CFAP61: variants seen among roughly 807,000 people sequenced by gnomAD.
CFAP61 encodes the protein cilia and flagella associated protein 61.
Under a neutral mutation model 135.6 loss-of-function variants are expected in CFAP61, and 107 were observed. The ratio of observed to expected loss-of-function variants is 0.79; its 90% CI spans 0.67 to 0.93. CFAP61 has a LOEUF of 0.93. Ranked by LOEUF, CFAP61 falls within the 40% of genes least tolerant of loss-of-function variation. CFAP61 has a pLI of 0.00. For missense variants in CFAP61, 1,507 were observed against 1,556.2 expected, an observed-to-expected ratio of 0.97 and a Z score of 0.53; for synonymous variants, 575 against 578.5, an observed-to-expected ratio of 0.99 and a Z score of 0.09.
At chr20:20,308,536 C>T (rs1198131373) in intron 25 of CFAP61, among the ~76,000 whole-genome samples, 2 of 152,158 alleles carry the variant, frequency 1.3e-5, no homozygotes, top group Admixed American at 6.5e-5. Context: ...GCAAGGGACA[C>T]TCGGCCTTGC....
chr20:20,191,247 T>C, intron 14 of CFAP61, 95 bp from the exon 15 acceptor site: 1 of 953,040 alleles, frequency 1.0e-6, no homozygotes, highest in Non-Finnish European at 1.7e-6. Context: ...TGTTCTGTTG[T>C]TATGTGAACG....
chr20:20,215,680 C>T (rs1040730549), intron 17 of CFAP61, among the ~76,000 whole-genome samples: 1 of 152,068 alleles, frequency 6.6e-6, no homozygotes, highest in Non-Finnish European at 1.5e-5. Flanking sequence ...CTTTTGTTTG[C>T]CATTTCTAGT....
intron 25 of CFAP61, among the ~76,000 whole-genome samples, chr20:20,311,380 G>A (rs1569281089): frequency 6.6e-6 from 1 of 152,146 alleles, no homozygotes; most frequent in Non-Finnish European, 1.5e-5. Context: ...CTAAATAGCT[G>A]CCAAAATGTA....
At chr20:20,132,698 A>C (rs1310025015) in intron 8 of CFAP61, among the ~76,000 whole-genome samples, 2 of 152,058 alleles carry the variant, frequency 1.3e-5, no homozygotes, top group Non-Finnish European at 1.5e-5. Context: ...TTTAAGGCAT[A>C]ATTTTTAAAT....
At chr20:20,183,676 ATAT>A (rs5840872) in intron 13 of CFAP61, among the ~76,000 whole-genome samples, 137,335 of 152,034 alleles carry the variant, frequency 0.9, 62,851 homozygotes, top group Middle Eastern at 0.99. Flanking sequence ...TATATCCAAA[ATAT>A]TATTGTTTCA....
chr20:20,263,368 A>G (rs1331814262), intron 21 of CFAP61, among the ~76,000 whole-genome samples: 1 of 152,242 alleles, frequency 6.6e-6, no homozygotes. Context: ...TAATTATTTT[A>G]TTATACAAAA....
chr20:20,068,491 C>T (rs1276946369), intron 2 of CFAP61, among the ~76,000 whole-genome samples: 1 of 152,170 alleles, frequency 6.6e-6, no homozygotes, highest in Non-Finnish European at 1.5e-5. Context: ...CCCTCCTTTC[C>T]TTGATAGCCA....
chr20:20,179,407 C>T (rs183525235), intron 13 of CFAP61, among the ~76,000 whole-genome samples: 1 of 152,272 alleles, frequency 6.6e-6, no homozygotes, highest in East Asian at 1.9e-4. Flanking sequence ...GAAAAACATT[C>T]CATGGTCATG....
At position 20,294,078 on chromosome 20, in the gene CFAP61, T is replaced by A. The variant is rs113738351; in HGVS notation, c.3216+3687T>A. Among the ~76,000 whole-genome samples the A allele has an allele frequency of 7.4e-3, 1,127 of 152,350 alleles. 14 individuals are homozygous for A. The highest frequency in any genetic ancestry group is 0.012 in the Non-Finnish European group (806 of 68,034). On this transcript the variant is annotated intron_variant, in intron 24 of 26. Coordinates refer to ENST00000245957, the MANE Select transcript of CFAP61 (RefSeq NM_015585.4). ...CAAAATCTTAAATTTAATATCCAAA[T>A]TTTTAAACAATTTGCTCGTATACTT...
chr20:20,186,725 T>C (rs1028805354), intron 13 of CFAP61, among the ~76,000 whole-genome samples: 15 of 152,246 alleles, frequency 9.9e-5, no homozygotes, highest in Non-Finnish European at 1.9e-4. Context: ...TTTGCAAATA[T>C]GATACTTTGT....
chr20:20,070,788 A>G (rs550643664), intron 2 of CFAP61, 66 bp from the exon 3 acceptor site: 1 of 1,493,792 alleles, frequency 6.7e-7, no homozygotes, highest in South Asian at 1.3e-5. Context: ...GAGGGAAAAA[A>G]ATGGCATGTC....
chr20:20,056,099 G>A (rs1265791655), intron 1 of CFAP61: 1 of 965,018 alleles, frequency 1.0e-6, no homozygotes, highest in Non-Finnish European at 1.6e-6. Flanking sequence ...TCTCAAAGAT[G>A]TTAATGGGCC....
At chr20:20,207,943 G>A (rs532206238) in intron 17 of CFAP61, among the ~76,000 whole-genome samples, 1 of 152,294 alleles carries the variant, frequency 6.6e-6, no homozygotes, top group East Asian at 1.9e-4. Context: ...TGTTATGACT[G>A]TATTTACTTG....
At chr20:20,342,151 T>G (rs1406707049) in intron 26 of CFAP61, among the ~76,000 whole-genome samples, 1 of 152,254 alleles carries the variant, frequency 6.6e-6, no homozygotes, top group African/African-American at 2.4e-5. Flanking sequence ...TTCCTTTTTT[T>G]AAAGAACTGT....
At position 20,282,938 on chromosome 20, in the gene CFAP61, C is replaced by CA. The variant is rs34218302; in HGVS notation, c.2796+5498dup. Among the ~76,000 whole-genome samples the CA allele has an allele frequency of 5.0e-4, 68 of 137,236 alleles. 1 individual carries two copies. The highest frequency in any genetic ancestry group is 2.0e-3 in the East Asian group (9 of 4,522). 90.0% of individuals were successfully genotyped at this position (137,236 alleles called of 152,430 possible). ...TGGGCGACAGAGCAAGACCCTGTCT[C>CA]AAAAAAAAAAAAAAAAAATTATTGA... is the stretch of plus-strand genomic sequence containing the variant. On this transcript the variant is annotated intron_variant, in intron 22 of 26. Coordinates refer to ENST00000245957, the MANE Select transcript of CFAP61 (RefSeq NM_015585.4).
rs2046107794 is a variant in CFAP61 at position 20,077,123 on chromosome 20, C to G, written c.566+1508C>G. Among the ~76,000 whole-genome samples, 3 of 152,144 alleles carry G rather than the reference C, an allele frequency of 2.0e-5. No homozygotes were observed. In the South Asian group the frequency reaches 6.2e-4, roughly 32 times the overall value. Reference sequence around the variant, plus strand: ...GATGCACAGACAGAGATGAAGACAGCTTCATTACAACTGCTCCTCCGCCCA... The same window carrying G: ...GATGCACAGACAGAGATGAAGACAGGTTCATTACAACTGCTCCTCCGCCCA... On this transcript the variant is annotated intron_variant, in intron 6 of 26. Coordinates refer to ENST00000245957, the MANE Select transcript of CFAP61 (RefSeq NM_015585.4).
At chr20:20,173,885 C>T (rs1318461274) in intron 13 of CFAP61, among the ~76,000 whole-genome samples, 2 of 152,122 alleles carry the variant, frequency 1.3e-5, no homozygotes, top group Non-Finnish European at 2.9e-5. Flanking sequence ...TAGTAGCGGC[C>T]TTGTTCTTAG....
At chr20:20,198,828 A>G (rs1202633768) in intron 16 of CFAP61, among the ~76,000 whole-genome samples, 1 of 152,254 alleles carries the variant, frequency 6.6e-6, no homozygotes, top group Non-Finnish European at 1.5e-5. Flanking sequence ...TAGAACTGCA[A>G]AAAAGTCATA....
rs116465763 is a variant in CFAP61 at position 20,360,319 on chromosome 20, T to C, written c.3623T>C (p.Ile1208Thr). The part of the protein sequence containing the change: ...QYLKRVFEES[I>T]YKTLVERSTL... ...CTCAAAAGAGTTTTTGAGGAATCCA[T>C]CTACAAAACCCTGGTGGAGAGAAGC... Residue 1208 changes from isoleucine to threonine, a missense_variant, in exon 27 of 27, where the codon ATC becomes ACC. Physicochemically the swap from Ile to Thr is moderately conservative, Grantham distance 89. Coordinates refer to ENST00000245957, the MANE Select transcript of CFAP61 (RefSeq NM_015585.4). 18 of 1,613,740 alleles carry C rather than the reference T, an allele frequency of 1.1e-5. No homozygotes were observed. In the African/African-American group the frequency reaches 2.3e-4, roughly 20 times the overall value.
Sources: allele counts gnomAD v4.1 joint callset (sites outside exome capture counted in the v4.1 genomes callset), GRCh38; gene constraint gnomAD v4.1.1; transcripts MANE v1.5; gene names NCBI Gene and HGNC (gene_info 2026-07-23, HGNC 2026-07-21).